The following TET3 variants were observed in gnomAD, a reference collection of about 807,000 sequenced individuals.
The protein encoded by TET3 is tet methylcytosine dioxygenase 3.
Under a neutral mutation model 141.4 loss-of-function variants are expected in TET3, and 19 were observed. The ratio of observed to expected loss-of-function variants is 0.13; its 90% confidence interval spans 0.09 to 0.20. The LOEUF (loss-of-function observed/expected upper bound fraction) is 0.20, where lower values mean the gene tolerates loss of function less well. Ranked by LOEUF, TET3 falls within the 10% of genes least tolerant of loss-of-function variation. The pLI, the probability that TET3 is intolerant of heterozygous loss-of-function variation, is 1.00. For missense variants in TET3, 1,874 were observed against 2,356.9 expected, an observed-to-expected ratio of 0.80 and a Z score of 4.24; for synonymous variants, 1,043 against 980.9, an observed-to-expected ratio of 1.06 and a Z score of -1.18.
the TET3 span, among the ~76,000 whole-genome samples, chr2:74,132,254 A>G: frequency 2.6e-5 from 4 of 152,136 alleles, no homozygotes; most frequent in Non-Finnish European, 5.9e-5. Flanking sequence ...GGTGGCTCCT[A>G]ATTCAAGATG....
chr2:74,123,992 C>A, the TET3 span, among the ~76,000 whole-genome samples: 2 of 151,496 alleles, frequency 1.3e-5, no homozygotes, highest in East Asian at 2.0e-4. Flanking sequence ...CCGGCCGCCC[C>A]GTCTGAGAAG....
At chr2:74,008,857 G>T (rs1573675511) in intron 3 of TET3, among the ~76,000 whole-genome samples, 1 of 152,116 alleles carries the variant, frequency 6.6e-6, no homozygotes, top group South Asian at 2.1e-4. Context: ...AAGAAATCCT[G>T]GTTACCTCCG....
intron 3 of TET3, among the ~76,000 whole-genome samples, chr2:74,015,006 G>C (rs1030375142): frequency 6.6e-6 from 1 of 152,206 alleles, no homozygotes; most frequent in African/African-American, 2.4e-5. Flanking sequence ...TGATCATGTG[G>C]TGAAGGCACA....
At chr2:74,013,986 G>A (rs1685601494) in intron 3 of TET3, among the ~76,000 whole-genome samples, 1 of 151,876 alleles carries the variant, frequency 6.6e-6, no homozygotes, top group African/African-American at 2.4e-5. Flanking sequence ...CTGCTTTTCA[G>A]TTCCCTCAGT....
chr2:74,005,685 G>A (rs549912925), intron 3 of TET3, among the ~76,000 whole-genome samples: 1 of 152,326 alleles, frequency 6.6e-6, no homozygotes, highest in South Asian at 2.1e-4. Context: ...AATGGTATCT[G>A]GTAGCCAGTG....
At chr2:74,042,426 CA>C (rs1169262822) in intron 3 of TET3, among the ~76,000 whole-genome samples, 1 of 152,204 alleles carries the variant, frequency 6.6e-6, no homozygotes, top group Non-Finnish European at 1.5e-5. Context: ...CAGTTACAGA[CA>C]TAGTTGCCCA....
In TET3 at chr2:74,046,470, G is replaced by A. The variant is rs756835147; in HGVS notation, c.553G>A (p.Ala185Thr). 4 of 1,612,310 alleles carry A rather than the reference G, an allele frequency of 2.5e-6. No individual in the cohort carries two copies. Among genetic ancestry groups the A allele is most frequent in the Non-Finnish European group, 3.4e-6 (4 of 1,179,002 alleles). The change falls in exon 4 of 12, where the codon GCC becomes ACC. Residue 185 changes from alanine (A) to threonine (T), a missense_variant. Physicochemically the swap from Ala to Thr is moderately conservative, Grantham distance 58. This residue lies in a region of TET3 where 366 missense variants were observed against 487.0 expected (regional missense o/e 0.75). Coordinates refer to ENST00000409262, the MANE Select transcript of TET3 (RefSeq NM_001287491.2). The surrounding 1 kb of genome is among the most constrained non-coding windows in gnomAD (Gnocchi z 4.3). ...AGACCAAAAGCCCGACTGGGAGGCT[G>A]CCCCAGGCCCAGCTCATACTGCTCG... is the stretch of plus-strand genomic sequence containing the variant. ...RVDQKPDWEA[A>T]PGPAHTARLE...
intron 3 of TET3, among the ~76,000 whole-genome samples, chr2:74,045,015 C>T (rs77972197): frequency 6.6e-6 from 1 of 152,190 alleles, no homozygotes; most frequent in Non-Finnish European, 1.5e-5. Flanking sequence ...AGATTGTTCT[C>T]TTCAAAAAAT....
rs933529278 is a variant in TET3 at position 74,101,933 on chromosome 2, G to C, written c.5145G>C (p.Gln1715His). The change falls in exon 12 of 12, where the codon CAG (glutamine) becomes CAC (histidine). Residue 1715 changes from glutamine (Q) to histidine (H), a missense_variant. Coordinates refer to ENST00000409262, the MANE Select transcript of TET3 (RefSeq NM_001287491.2). This position sits in a 1 kb window ranked among gnomAD's most constrained non-coding sequence, Gnocchi z 8.5. The stretch of plus-strand genomic sequence containing the variant: ...CCCTCTGGGAAGCCAAGATGAAGCA[G>C]CTGGCGGAGAGGGCACGGGCACGGC... ...GLALWEAKMKQLAERARARQE... is the reference protein window; with the variant it reads ...GLALWEAKMKHLAERARARQE... 2.5e-6 allele frequency: 4 copies of C among 1,613,342 alleles called. No individual in the cohort carries two copies. Among genetic ancestry groups the C allele is most frequent in the African/African-American group, 2.7e-5 (2 of 75,052 alleles).
At position 74,046,849 on chromosome 2, in the gene TET3, G is replaced by C; in HGVS notation, c.932G>C (p.Gly311Ala). Residue 311 changes from glycine to alanine, a missense_variant, in exon 4 of 12, where the codon GGT (glycine) becomes GCT (alanine). Physicochemically the swap from Gly to Ala is moderately conservative, Grantham distance 60. This residue lies in a region of TET3 where 366 missense variants were observed against 487.0 expected (regional missense o/e 0.75). Transcript: ENST00000409262. This position sits in a 1 kb window ranked among gnomAD's most constrained non-coding sequence, Gnocchi z 4.3. Reference protein sequence around the residue: ...RPRLPGPLPPGEAGLPAPSTR... With the variant: ...RPRLPGPLPPAEAGLPAPSTR... ...AGGCTCCCAGGGCCTCTGCCTCCTG[G>C]TGAGGCCGGCCTCCCAGCACCAAGC... is the stretch of plus-strand genomic sequence containing the variant. The C allele has an allele frequency of 6.2e-7, 1 of 1,613,402 alleles. No individual in the cohort carries two copies. Among genetic ancestry groups the C allele is most frequent in the Non-Finnish European group, 8.5e-7 (1 of 1,179,862 alleles).
chr2:74,070,661 T>G (rs1193544498), intron 4 of TET3, among the ~76,000 whole-genome samples: 2 of 152,196 alleles, frequency 1.3e-5, no homozygotes. Flanking sequence ...ATGGGTTGTG[T>G]CTTTATTTGG....
At chr2:74,002,798 C>G in intron 2 of TET3, 1 of 570,040 alleles carries the variant, frequency 1.8e-6, no homozygotes, top group Non-Finnish European at 3.1e-6. Flanking sequence ...GGAGGCCGGC[C>G]GAGGTAGAGC....
Position 74,046,359 on chromosome 2 carries a change from C to G in TET3, c.442C>G (p.Gln148Glu), listed in dbSNP as rs1365030768. 1 of 1,529,338 alleles carries G rather than the reference C, an allele frequency of 6.5e-7. No individual in the cohort carries two copies. Among genetic ancestry groups the G allele is most frequent in the African/African-American group, 1.4e-5 (1 of 71,962 alleles). The allele number at this position is 1,529,338 out of a possible 1,614,324, so 94.7% of individuals were successfully genotyped here. A position where few individuals can be genotyped will look rare whatever the true frequency, so the allele number is the denominator to read the frequency against. Reference sequence around the variant, plus strand: ...GCCAGTGTACCATGGGGACTCACGGCAGCTAAGCGCCTCAGGGGTGCCGGT... The same window carrying G: ...GCCAGTGTACCATGGGGACTCACGGGAGCTAAGCGCCTCAGGGGTGCCGGT... ...SGPVYHGDSR[Q>E]LSASGVPVNG... The change falls in exon 4 of 12, where the codon CAG becomes GAG. Residue 148 changes from glutamine to glutamate, a missense_variant. Physicochemically the swap from Gln to Glu is conservative, Grantham distance 29. Coordinates refer to ENST00000409262, the MANE Select transcript of TET3 (RefSeq NM_001287491.2). The surrounding 1 kb of genome is among the most constrained non-coding windows in gnomAD (Gnocchi z 4.3).
At position 74,097,944 on chromosome 2, in the gene TET3, C is replaced by T. The variant is rs1011422285; in HGVS notation, c.3268-1332C>T. On this transcript the variant is annotated intron_variant, in intron 10 of 11. Transcript: ENST00000409262. ...ATCAAGACCCCAAATGCCAGAGCAT[C>T]AAAAATATAGAAAATAAGAAAATAT... Among the ~76,000 whole-genome samples, 7 of 151,762 alleles carry T rather than the reference C, an allele frequency of 4.6e-5. 1 individual carries two copies. The highest frequency in any genetic ancestry group is 1.7e-4 in the African/African-American group (7 of 41,250).
At chr2:74,023,816 G>GT (rs1174256171) in intron 3 of TET3, among the ~76,000 whole-genome samples, 6 of 151,968 alleles carry the variant, frequency 3.9e-5, no homozygotes, top group Admixed American at 6.6e-5. Context: ...TCTAATATTT[G>GT]TTTTTTTCTT....
At chr2:74,110,851 C>T (rs1691687546), downstream of TET3, among the ~76,000 whole-genome samples, 1 of 152,182 alleles carries the variant, frequency 6.6e-6, no homozygotes, top group Admixed American at 6.5e-5. Context: ...ATGCTTCATC[C>T]ATTAACCCTT....
At chr2:73,992,613 C>T (rs1684391008) in intron 2 of TET3, among the ~76,000 whole-genome samples, 1 of 151,830 alleles carries the variant, frequency 6.6e-6, no homozygotes, top group African/African-American at 2.4e-5. Context: ...TGTGCCCGGC[C>T]CTTGTTGTTT....
At chr2:74,080,356 T>G in intron 5 of TET3, 142 bp from the exon 6 acceptor site, 1 of 706,692 alleles carries the variant, frequency 1.4e-6, no homozygotes, top group Non-Finnish European at 2.4e-6. Flanking sequence ...CAAATAACAT[T>G]TAAACCTTTC....
the TET3 span, among the ~76,000 whole-genome samples, chr2:74,118,220 A>G: frequency 1.8e-3 from 268 of 151,970 alleles, no homozygotes; most frequent in African/African-American, 6.2e-3. Context: ...CAACGCTGTA[A>G]ATCTTGAATA....
Sources: allele counts gnomAD v4.1 joint callset (sites outside exome capture counted in the v4.1 genomes callset), GRCh38; gene constraint gnomAD v4.1.1; regional missense constraint gnomAD v4.1.1; non-coding constraint Gnocchi (gnomAD v3.1); transcripts MANE v1.5; gene names NCBI Gene and HGNC (gene_info 2026-07-23, HGNC 2026-07-21).